The following KDM5A variants were observed in gnomAD, a reference collection of about 807,000 sequenced individuals.
KDM5A encodes the protein lysine demethylase 5A, also known as lysine-specific demethylase 5A.
A neutral mutation model predicts 193.5 loss-of-function variants in KDM5A; 42 were observed. The observed-to-expected ratio is 0.22, with a 90% CI of 0.17 to 0.28. The LOEUF (loss-of-function observed/expected upper bound fraction) is 0.28. Ranked by LOEUF, KDM5A falls within the 10% of genes least tolerant of loss-of-function variation. The pLI is 1.00. For missense variants in KDM5A, 1,692 were observed against 2,055.1 expected (o/e 0.82, Z 3.42); for synonymous variants, 796 against 718.1 (o/e 1.11, Z -1.73).
At chr12:304,395 T>G (rs552162706) in intron 24 of KDM5A, among the ~76,000 whole-genome samples, 1 of 150,918 alleles carries the variant, frequency 6.6e-6, no homozygotes, top group Admixed American at 6.6e-5. Flanking sequence ...AAATAAAATT[T>G]TCATTATACA....
intron 3 of KDM5A, among the ~76,000 whole-genome samples, chr12:374,755 G>T (rs371752798): frequency 2.0e-5 from 3 of 152,162 alleles, no homozygotes; most frequent in Non-Finnish European, 2.9e-5. Context: ...AGGAGCTCTT[G>T]TAGGGCAGGC....
At chr12:299,041 T>C (rs938133112) in intron 24 of KDM5A, among the ~76,000 whole-genome samples, 1 of 152,040 alleles carries the variant, frequency 6.6e-6, no homozygotes, top group African/African-American at 2.4e-5. Flanking sequence ...CCAATGCATA[T>C]GGGACTACGT....
intron 11 of KDM5A, 86 bp from the exon 12 acceptor site, chr12:333,735 T>A: frequency 8.3e-7 from 1 of 1,207,684 alleles, no homozygotes; most frequent in Non-Finnish European, 1.2e-6. Flanking sequence ...AAATTATAAT[T>A]AACTTGTCTT....
intron 3 of KDM5A, among the ~76,000 whole-genome samples, chr12:367,020 G>A (rs529925935): frequency 7.9e-5 from 12 of 152,232 alleles, no homozygotes; most frequent in Admixed American, 2.0e-4. Flanking sequence ...GGAGCAACAG[G>A]TTATACCACA....
At position 281,541 on chromosome 12, in the gene KDM5A, A is replaced by G. The variant is rs1046458733; in HGVS notation, c.*3915T>C. The G allele has an allele frequency of 5.6e-5, 13 of 233,124 alleles. No homozygotes were observed. The highest frequency in any genetic ancestry group is 7.6e-5 in the Non-Finnish European group (9 of 118,022). 14.4% of individuals were successfully genotyped at this position (233,124 alleles called of 1,614,324 possible). ...AAAGAAGTAATGGTATGACTTAAAA[A>G]AAAAGGAGGAATTTCAAAAGGAGTA... On this transcript the variant is annotated 3_prime_UTR_variant, in exon 28 of 28. Coordinates refer to ENST00000399788, the MANE Select transcript of KDM5A (RefSeq NM_001042603.3).
chr12:354,658 T>G (rs1434469520), intron 7 of KDM5A, among the ~76,000 whole-genome samples: 1 of 151,752 alleles, frequency 6.6e-6, no homozygotes, highest in Non-Finnish European at 1.5e-5. Context: ...TCCCAGCTAC[T>G]CGGGAGGCTG....
At chr12:337,137 C>G (rs534960221) in intron 10 of KDM5A, among the ~76,000 whole-genome samples, 1 of 152,346 alleles carries the variant, frequency 6.6e-6, no homozygotes, top group South Asian at 2.1e-4. Flanking sequence ...CCGCTTCTCT[C>G]TCTTCCTCCT....
chr12:296,079 G>A (rs1247848407), intron 25 of KDM5A, among the ~76,000 whole-genome samples: 1 of 152,184 alleles, frequency 6.6e-6, no homozygotes, highest in Admixed American at 6.5e-5. Context: ...AACACTTTGG[G>A]AGGCTGAGGC....
chr12:309,483 T>C (rs945900388), intron 22 of KDM5A, among the ~76,000 whole-genome samples: 1 of 152,210 alleles, frequency 6.6e-6, no homozygotes, highest in African/African-American at 2.4e-5. Flanking sequence ...AAAGTTGCAG[T>C]GCAAGAAGCT....
At chr12:344,421 C>G (rs985717956) in intron 10 of KDM5A, among the ~76,000 whole-genome samples, 2 of 152,124 alleles carry the variant, frequency 1.3e-5, no homozygotes, top group Admixed American at 6.5e-5. Flanking sequence ...GAGAACACCA[C>G]AAAAATACTC....
chr12:291,100 T>A, intron 27 of KDM5A, among the ~76,000 whole-genome samples: 1 of 152,112 alleles, frequency 6.6e-6, no homozygotes, highest in Admixed American at 6.5e-5. Flanking sequence ...AATATGCACA[T>A]ATATATTAAA....
chr12:310,868 T>C lies in KDM5A; in HGVS notation c.3216+17A>G, dbSNP rs1293277979. 1.2e-6 allele frequency: 2 copies of C among 1,612,530 alleles called. No individual in the cohort carries two copies. Among genetic ancestry groups the C allele is most frequent in the Non-Finnish European group, 1.7e-6 (2 of 1,178,620 alleles). Reference sequence around the variant, plus strand: ...TTAAATTATCAGCTGCTTATGAGAGTGTTGAAGTTCAAGTACCTGTAACAA... The same window carrying C: ...TTAAATTATCAGCTGCTTATGAGAGCGTTGAAGTTCAAGTACCTGTAACAA... On this transcript the variant is annotated intron_variant, in intron 21 of 27. Coordinates refer to ENST00000399788, the MANE Select transcript of KDM5A (RefSeq NM_001042603.3).
intron 22 of KDM5A, 142 bp downstream of exon 22, chr12:309,660 AC>A: frequency 2.4e-6 from 2 of 850,304 alleles, no homozygotes; most frequent in Non-Finnish European, 3.7e-6. Flanking sequence ...ATAAATATTT[AC>A]TTTTAATGTG....
intron 27 of KDM5A, among the ~76,000 whole-genome samples, chr12:288,914 C>T (rs547270044): frequency 4.6e-5 from 7 of 152,320 alleles, no homozygotes; most frequent in African/African-American, 1.4e-4. Flanking sequence ...CAACATCATG[C>T]GCGTGCACGC....
At chr12:360,009 C>T (rs932427145) in intron 5 of KDM5A, among the ~76,000 whole-genome samples, 2 of 152,012 alleles carry the variant, frequency 1.3e-5, no homozygotes, top group Non-Finnish European at 2.9e-5. Flanking sequence ...GGTGTGATGG[C>T]TCACACCTAT....
intron 3 of KDM5A, among the ~76,000 whole-genome samples, chr12:372,870 T>C (rs1944448915): frequency 6.6e-6 from 1 of 152,218 alleles, no homozygotes; most frequent in African/African-American, 2.4e-5. Context: ...TTGTCTTTGG[T>C]TCTGTTTATA....
chr12:346,591 G>A (rs1025548241), intron 10 of KDM5A, among the ~76,000 whole-genome samples: 5 of 152,092 alleles, frequency 3.3e-5, no homozygotes, highest in African/African-American at 9.7e-5. Flanking sequence ...CTTCATCCCC[G>A]GGATGCAAGG....
chr12:376,234 C>T (rs561196949), intron 3 of KDM5A, among the ~76,000 whole-genome samples: 5 of 152,316 alleles, frequency 3.3e-5, no homozygotes, highest in Admixed American at 6.5e-5. Flanking sequence ...CCACCCAGTT[C>T]GAGCTTCTGG....
At chr12:355,595 T>C (rs1263021719) in intron 6 of KDM5A, among the ~76,000 whole-genome samples, 3 of 152,228 alleles carry the variant, frequency 2.0e-5, no homozygotes, top group African/African-American at 4.8e-5. Context: ...TCTAAGACTG[T>C]TGACAGCCAA....
Sources: gnomAD v4.1 joint callset for allele counts (sites outside exome capture counted in the v4.1 genomes callset) on GRCh38, gnomAD v4.1.1 for gene constraint, MANE v1.5 for transcripts, NCBI Gene and HGNC (gene_info 2026-07-23, HGNC 2026-07-21) for gene names.